The following AKAP19 variants were observed in gnomAD, a reference collection of about 807,000 sequenced individuals.
The protein encoded by AKAP19 is A-kinase anchoring protein 19.
chr2:190,110,600 G>A, the AKAP19 span, among the ~76,000 whole-genome samples: 2 of 152,168 alleles, frequency 1.3e-5, no homozygotes, highest in Non-Finnish European at 2.9e-5. Flanking sequence ...TTCAGTTGTA[G>A]ATAACAGAAT....
the AKAP19 span, among the ~76,000 whole-genome samples, chr2:189,942,188 A>C: frequency 6.6e-6 from 1 of 152,242 alleles, no homozygotes; most frequent in East Asian, 1.9e-4. Flanking sequence ...ATGGGTGCAG[A>C]TCCCTCATGG....
the AKAP19 span, among the ~76,000 whole-genome samples, chr2:189,980,824 G>A: frequency 6.6e-6 from 1 of 152,116 alleles, no homozygotes; most frequent in African/African-American, 2.4e-5. Context: ...ATGTATTTTT[G>A]TGGTTTTGAG....
chr2:190,134,115 A>G, the AKAP19 span, among the ~76,000 whole-genome samples: 1 of 152,174 alleles, frequency 6.6e-6, no homozygotes, highest in Non-Finnish European at 1.5e-5. Context: ...TGAATTTTTA[A>G]AAAATAGTTG....
the AKAP19 span, chr2:190,056,169 A>G: frequency 2.0e-5 from 3 of 152,576 alleles, no homozygotes; most frequent in African/African-American, 4.8e-5. Flanking sequence ...GCTCTGAAAT[A>G]TAAGTAGTTG....
chr2:190,192,558 G>A, the AKAP19 span, among the ~76,000 whole-genome samples: 2 of 151,450 alleles, frequency 1.3e-5, no homozygotes, highest in African/African-American at 2.4e-5. Context: ...GAATCCATTT[G>A]TCAATGTCTA....
At chr2:189,924,183 C>G in the AKAP19 span, 1 of 1,517,682 alleles carries the variant, frequency 6.6e-7, no homozygotes, top group Non-Finnish European at 9.0e-7. Context: ...GAGAGGATGA[C>G]AGAGACAGCG....
chr2:189,964,238 G>A, the AKAP19 span, among the ~76,000 whole-genome samples: 2 of 152,150 alleles, frequency 1.3e-5, no homozygotes, highest in Non-Finnish European at 2.9e-5. Context: ...TTTGAAGGAA[G>A]TCTTTTTTTC....
chr2:189,913,860 G>A, the AKAP19 span, among the ~76,000 whole-genome samples: 1 of 152,028 alleles, frequency 6.6e-6, no homozygotes, highest in Non-Finnish European at 1.5e-5. Flanking sequence ...TTGAATTCAT[G>A]GAGAATGAAG....
At chr2:190,053,292 T>A in the AKAP19 span, among the ~76,000 whole-genome samples, 10 of 152,174 alleles carry the variant, frequency 6.6e-5, no homozygotes, top group African/African-American at 2.2e-4. Context: ...TTCAAGAACA[T>A]CTTGCGTTCT....
the AKAP19 span, among the ~76,000 whole-genome samples, chr2:190,071,791 A>G: frequency 3.3e-5 from 5 of 152,314 alleles, no homozygotes; most frequent in Admixed American, 6.5e-5. Context: ...ATGGAGATGT[A>G]GAACAAAATG....
At chr2:190,040,873 T>A in the AKAP19 span, among the ~76,000 whole-genome samples, 2 of 152,128 alleles carry the variant, frequency 1.3e-5, no homozygotes, top group East Asian at 3.9e-4. Flanking sequence ...CTGTTCCATT[T>A]GTCTATGCGT....
the AKAP19 span, among the ~76,000 whole-genome samples, chr2:189,955,293 T>G: frequency 2.0e-5 from 3 of 151,928 alleles, no homozygotes; most frequent in South Asian, 6.2e-4. Flanking sequence ...TCGTATTTTG[T>G]TTTTGTTTTT....
At chr2:190,016,776 T>C in the AKAP19 span, among the ~76,000 whole-genome samples, 1 of 152,206 alleles carries the variant, frequency 6.6e-6, no homozygotes, top group African/African-American at 2.4e-5. Context: ...TTGAATAAAA[T>C]GTTCTGTATA....
the AKAP19 span, chr2:190,055,563 T>C: frequency 6.6e-6 from 1 of 152,222 alleles, no homozygotes; most frequent in South Asian, 2.1e-4. Context: ...AGGACCAATT[T>C]AATAGGAATT....
At chr2:190,149,009 G>T in the AKAP19 span, among the ~76,000 whole-genome samples, 1 of 145,114 alleles carries the variant, frequency 6.9e-6, no homozygotes, top group Non-Finnish European at 1.5e-5. Context: ...TCTTGCCCAG[G>T]CTGGAGTGCA....
the AKAP19 span, among the ~76,000 whole-genome samples, chr2:190,117,196 A>C: frequency 6.6e-6 from 1 of 152,210 alleles, no homozygotes; most frequent in Non-Finnish European, 1.5e-5. Context: ...GTGGAGCTGA[A>C]ATATAGTGGC....
At chr2:190,077,790 A>C in the AKAP19 span, among the ~76,000 whole-genome samples, 1 of 152,198 alleles carries the variant, frequency 6.6e-6, no homozygotes, top group Non-Finnish European at 1.5e-5. Flanking sequence ...CTTGTAGATC[A>C]AGTTAATGTT....
chr2:189,990,823 A>G, the AKAP19 span, among the ~76,000 whole-genome samples: 5 of 152,148 alleles, frequency 3.3e-5, no homozygotes, highest in Non-Finnish European at 5.9e-5. Context: ...AGCAGTGTAC[A>G]CTATACTCAA....
chr2:189,951,264 C>T, the AKAP19 span, among the ~76,000 whole-genome samples: 3 of 131,648 alleles, frequency 2.3e-5, no homozygotes, highest in Non-Finnish European at 3.1e-5. Flanking sequence ...TGCAATGATG[C>T]GATCTTGGCT....
Sources: gnomAD v4.1 joint callset for allele counts (sites outside exome capture counted in the v4.1 genomes callset) on GRCh38, gnomAD v4.1.1 for gene constraint, MANE v1.5 for transcripts, NCBI Gene and HGNC (gene_info 2026-07-23, HGNC 2026-07-21) for gene names.